The following DENND4A variants were observed in gnomAD, a reference collection of about 807,000 sequenced individuals.
DENND4A encodes DENN domain containing 4A.
A neutral mutation model predicts 199.3 loss-of-function variants in DENND4A; 70 were observed. The ratio of observed to expected loss-of-function variants is 0.35; its 90% CI spans 0.29 to 0.43. The LOEUF is 0.43. Among genes scored for constraint, DENND4A ranks in the 20% least tolerant of loss-of-function variants. The probability of loss-of-function intolerance (pLI) is 1.00; values close to 1 mark genes in which losing one functional copy is unlikely to be tolerated. For synonymous variants in DENND4A, 686 were observed against 766.9 expected, an observed-to-expected ratio of 0.89 and a Z score of 1.74; for missense variants, 1,723 against 2,255.8, an observed-to-expected ratio of 0.76 and a Z score of 4.78.
intron 14 of DENND4A, among the ~76,000 whole-genome samples, chr15:65,710,675 T>G (rs774202262): frequency 1.6e-4 from 25 of 152,388 alleles, no homozygotes; most frequent in Admixed American, 3.3e-4. Context: ...TATTTAATTT[T>G]ATAAGCACTG....
intron 15 of DENND4A, among the ~76,000 whole-genome samples, chr15:65,705,492 C>G (rs572557689): frequency 1.3e-5 from 2 of 152,310 alleles, no homozygotes; most frequent in South Asian, 4.1e-4. Context: ...TTTCTCTCTT[C>G]TTCACTAGAC....
chr15:65,751,089 C>T (rs765288732), intron 4 of DENND4A, among the ~76,000 whole-genome samples: 1 of 152,082 alleles, frequency 6.6e-6, no homozygotes, highest in African/African-American at 2.4e-5. Context: ...TAATTTATCA[C>T]CTAGCTCTTT....
chr15:65,753,491 TG>T (rs2076619017), intron 3 of DENND4A, among the ~76,000 whole-genome samples: 1 of 151,978 alleles, frequency 6.6e-6, no homozygotes. Flanking sequence ...CCCGAGTAGC[TG>T]GGATTACAGG....
intron 23 of DENND4A, among the ~76,000 whole-genome samples, chr15:65,682,631 T>C (rs1387881675): frequency 6.6e-6 from 1 of 152,248 alleles, no homozygotes; most frequent in Non-Finnish European, 1.5e-5. Context: ...AACTTTCCCT[T>C]TGCATTCACA....
At chr15:65,694,029 C>T (rs933737640) in intron 22 of DENND4A, among the ~76,000 whole-genome samples, 4 of 151,758 alleles carry the variant, frequency 2.6e-5, no homozygotes, top group African/African-American at 9.7e-5. Flanking sequence ...TTATGGGTAG[C>T]TAAGGATAAA....
At chr15:65,713,409 C>G (rs755702817) in intron 14 of DENND4A, among the ~76,000 whole-genome samples, 1 of 152,204 alleles carries the variant, frequency 6.6e-6, no homozygotes, top group Non-Finnish European at 1.5e-5. Context: ...TAGAGGAACA[C>G]AATGTTGACT....
At position 65,738,781 on chromosome 15, in the gene DENND4A, T is replaced by C; in HGVS notation, c.726A>G (p.Glu242=). 6.2e-7 allele frequency: 1 copy of C among 1,612,570 alleles called. No individual in the cohort carries two copies. Among genetic ancestry groups the C allele is most frequent in the African/African-American group, 1.3e-5 (1 of 75,012 alleles). ...LFCLPMGATI[E]CWPSNSKYPL... is the part of the protein sequence containing the mutation. ...GGTATTTGCTATTTGATGGCCAACATTCAATGGTTGCACCCATTGGTAAAC... is the reference window on the plus strand; with the variant it reads ...GGTATTTGCTATTTGATGGCCAACACTCAATGGTTGCACCCATTGGTAAAC... Residue 242 remains glutamate, a synonymous_variant, in exon 6 of 33, where the codon GAA becomes GAG. Coordinates refer to ENST00000443035, the MANE Select transcript of DENND4A (RefSeq NM_001320835.1).
intron 5 of DENND4A, among the ~76,000 whole-genome samples, chr15:65,740,165 T>C (rs1047309727): frequency 2.6e-4 from 40 of 151,674 alleles, no homozygotes; most frequent in Admixed American, 2.0e-4. Context: ...TTTCAATGGT[T>C]GCACCCATTG....
chr15:65,724,042 CT>C (rs1185022328), intron 11 of DENND4A, among the ~76,000 whole-genome samples: 2 of 151,948 alleles, frequency 1.3e-5, no homozygotes, highest in African/African-American at 4.8e-5. Flanking sequence ...TTAAAGATAG[CT>C]TTAATGACTC....
chr15:65,696,563 G>T, intron 21 of DENND4A, 66 bp from the exon 22 acceptor site: 5 of 1,220,464 alleles, frequency 4.1e-6, no homozygotes, highest in Non-Finnish European at 5.7e-6. Flanking sequence ...GGTATCAAGA[G>T]AAGTTTTCAG....
chr15:65,784,723 A>C (rs552676734), intron 1 of DENND4A, among the ~76,000 whole-genome samples: 3 of 152,194 alleles, frequency 2.0e-5, no homozygotes, highest in Admixed American at 1.3e-4. Context: ...CCTATAAGTC[A>C]TTTTTTTATG....
chr15:65,709,906 A>T (rs2075195782), intron 14 of DENND4A, among the ~76,000 whole-genome samples: 1 of 151,568 alleles, frequency 6.6e-6, no homozygotes, highest in Non-Finnish European at 1.5e-5. Flanking sequence ...CTTTTGTTGG[A>T]TCTAGATTTT....
intron 11 of DENND4A, among the ~76,000 whole-genome samples, chr15:65,724,063 A>G (rs1202055112): frequency 6.6e-6 from 1 of 152,076 alleles, no homozygotes; most frequent in Non-Finnish European, 1.5e-5. Flanking sequence ...CCACTTTAAA[A>G]AAAAAAACCA....
At chr15:65,786,367 A>C (rs74609773) in intron 1 of DENND4A, among the ~76,000 whole-genome samples, 5,891 of 152,300 alleles carry the variant, frequency 0.039, 393 homozygotes, top group African/African-American at 0.14. Context: ...CAGCTGCTTA[A>C]ACTTACTAGA....
chr15:65,732,746 C>T lies in DENND4A; in HGVS notation c.1107+6G>A. Reference sequence around the variant, plus strand: ...GGTCCCCCAATCAAAAACAAAAAAACCTTACCTGAACTAAAATCCGTGGTC... The same window carrying T: ...GGTCCCCCAATCAAAAACAAAAAAATCTTACCTGAACTAAAATCCGTGGTC... On this transcript the variant is annotated splice_donor_region_variant and intron_variant, in intron 8 of 32. Transcript: ENST00000443035. 1 of 1,578,276 alleles carries T rather than the reference C, an allele frequency of 6.3e-7. No homozygotes were observed. The highest frequency in any genetic ancestry group is 8.7e-7 in the Non-Finnish European group (1 of 1,151,144).
At chr15:65,724,348 C>G (rs1178539223) in intron 11 of DENND4A, among the ~76,000 whole-genome samples, 1 of 150,964 alleles carries the variant, frequency 6.6e-6, no homozygotes, top group Admixed American at 6.6e-5. Flanking sequence ...GCAAAAGGCA[C>G]TGTGACCAGC....
Position 65,792,075 on chromosome 15 carries a change from G to C in DENND4A, c.-167C>G, listed in dbSNP as rs1413413076. ...AGAGCGGCGCCGGAATCCCGCACGC[G>C]CGGTAGCGGAACACGAGGGGCTGAA... On this transcript the variant is annotated 5_prime_UTR_variant, in exon 1 of 33. Coordinates refer to ENST00000443035, the MANE Select transcript of DENND4A (RefSeq NM_001320835.1). 6.6e-6 allele frequency: 1 copy of C among 152,384 alleles called. No homozygotes were observed. The highest frequency in any genetic ancestry group is 1.5e-5 in the Non-Finnish European group (1 of 68,106). The allele number at this position is 152,384 out of a possible 1,614,324, so 9.4% of individuals were successfully genotyped here.
At chr15:65,711,681 G>A (rs941296050) in intron 14 of DENND4A, among the ~76,000 whole-genome samples, 3 of 152,136 alleles carry the variant, frequency 2.0e-5, no homozygotes, top group African/African-American at 4.8e-5. Context: ...TGGTTACATG[G>A]AAATACATAT....
In DENND4A at chr15:65,709,096, A is replaced by T. The variant is rs2075152296; in HGVS notation, c.1954-2872T>A. 2.6e-5 allele frequency among the ~76,000 whole-genome samples: 4 copies of T among 152,242 alleles called. 1 individual carries two copies. The South Asian group carries it at 8.3e-4, about 31-fold the overall frequency. On this transcript the variant is annotated intron_variant, in intron 14 of 32. Transcript: ENST00000443035. ...ATGAACCATATGAGACAGTTAACGT[A>T]TATTTAATGTTATTTATTTTCTATA...
Sources: gnomAD v4.1 joint callset for allele counts (sites outside exome capture counted in the v4.1 genomes callset) on GRCh38, gnomAD v4.1.1 for gene constraint, MANE v1.5 for transcripts, NCBI Gene and HGNC (gene_info 2026-07-23, HGNC 2026-07-21) for gene names.